The following RPL17 variants were observed in gnomAD, a reference collection of about 807,000 sequenced individuals.
RPL17 encodes large ribosomal subunit protein uL22.
RPL17 carries 2 observed loss-of-function variants against 27.7 expected under a neutral mutation model. The observed-to-expected ratio is 0.07, with a 90% CI of 0.03 to 0.23. The LOEUF is 0.23. Ranked by LOEUF, RPL17 falls within the 10% of genes least tolerant of loss-of-function variation. RPL17 has a pLI of 1.00. For missense variants in RPL17, 141 were observed against 238.8 expected (o/e 0.59, Z 2.70); for synonymous variants, 76 against 75.5 (o/e 1.01, Z -0.03).
intron 6 of RPL17, 65 bp downstream of exon 6, chr18:49,489,292 GAT>G: frequency 5.2e-6 from 8 of 1,546,750 alleles, no homozygotes; most frequent in Non-Finnish European, 7.1e-6. Context: ...GGTGTCCTAA[GAT>G]AGTCATCACA....
rs1187770489 is a variant in RPL17 at position 49,491,584 on chromosome 18, C to G, written c.-13G>C. On this transcript the variant is annotated splice_region_variant and 5_prime_UTR_variant, in exon 2 of 7. Transcript: ENST00000580261. ...AATAGCGAACCATTTTCACAGATCA[C>G]CTAGAGGAAAGTACAGTGTAATTCT... The G allele has an allele frequency of 1.9e-6, 3 of 1,614,016 alleles. No individual in the cohort carries two copies. The highest frequency in any genetic ancestry group is 2.5e-6 in the Non-Finnish European group (3 of 1,180,046).
intron 1 of RPL17, 199 bp from the exon 2 acceptor site, chr18:49,491,783 A>G: frequency 1.3e-6 from 1 of 783,312 alleles, no homozygotes. Context: ...CAGTAACTAC[A>G]GCACTGCTTC....
rs1038460311 is a variant in RPL17 at position 49,489,285 on chromosome 18, G to A, written c.507+74C>T. On this transcript the variant is annotated intron_variant, in intron 6 of 6. Transcript: ENST00000580261. Reference sequence around the variant, plus strand: ...TTTCTTTCATAGTTATTCCAAAGGTGTCCTAAGATAGTCATCACAGCAACC... The same window carrying A: ...TTTCTTTCATAGTTATTCCAAAGGTATCCTAAGATAGTCATCACAGCAACC... The A allele has an allele frequency of 3.3e-6, 5 of 1,509,114 alleles. No homozygotes were observed. The African/African-American group carries it at 5.5e-5, about 17-fold the overall frequency. 93.5% of individuals were successfully genotyped at this position (1,509,114 alleles called of 1,614,324 possible). A position where few individuals can be genotyped will look rare whatever the true frequency, so the allele number is the denominator to read the frequency against.
At chr18:49,489,179 A>T (rs2083877570) in intron 6 of RPL17, 180 bp downstream of exon 6, 1 of 626,356 alleles carries the variant, frequency 1.6e-6, no homozygotes, top group African/African-American at 1.8e-5. Context: ...GGGATTACAG[A>T]AAACTTACCA....
chr18:49,489,663 T>G (rs1055812347), intron 5 of RPL17, 113 bp from the exon 6 acceptor site: 16 of 1,134,714 alleles, frequency 1.4e-5, no homozygotes, highest in Admixed American at 8.1e-5. Flanking sequence ...CCTGCCTCAA[T>G]GAAATCATTT....
chr18:49,489,264 T>G, intron 6 of RPL17, 95 bp downstream of exon 6: 1 of 1,392,006 alleles, frequency 7.2e-7, no homozygotes, highest in Non-Finnish European at 1.0e-6. Context: ...AATAGTTTTC[T>G]TTCATAGTTA....
chr18:49,489,808 T>TA (rs2148818760), intron 5 of RPL17, among the ~76,000 whole-genome samples: 1 of 152,312 alleles, frequency 6.6e-6, no homozygotes, highest in Admixed American at 6.5e-5. Context: ...CAAAGATCCT[T>TA]AGACGGGTGG....
intron 4 of RPL17, 107 bp downstream of exon 4, chr18:49,490,686 C>A (rs748505744): frequency 8.8e-6 from 14 of 1,589,282 alleles, no homozygotes; most frequent in Non-Finnish European, 1.2e-5. Flanking sequence ...CCTGTCATTA[C>A]AGCAACCAGA....
At chr18:49,489,183 C>T in intron 6 of RPL17, 176 bp downstream of exon 6, 5 of 645,132 alleles carry the variant, frequency 7.8e-6, no homozygotes, top group Non-Finnish European at 1.3e-5. Context: ...TTACAGAAAA[C>T]TTACCATTTA....
Position 49,488,585 on chromosome 18 carries a change from G to GTTT in RPL17, c.508-20_508-19insAAA, listed in dbSNP as rs1245739026. 6.6e-7 allele frequency: 1 copy of GTTT among 1,507,618 alleles called. No individual in the cohort carries two copies. The highest frequency in any genetic ancestry group is 9.2e-7 in the Non-Finnish European group (1 of 1,083,552). The allele number at this position is 1,507,618 out of a possible 1,614,324, so 93.4% of individuals were successfully genotyped here. A position where few individuals can be genotyped will look rare whatever the true frequency, so the allele number is the denominator to read the frequency against. ...GGGATATCTGGGGAAAGAAAAATGT[G>GTTT]TTAAGTTTCTTAGAGAAAACCACAG... On this transcript the variant is annotated intron_variant, in intron 6 of 6. Coordinates refer to ENST00000580261, the MANE Select transcript of RPL17 (RefSeq NM_001035006.5).
Position 49,489,527 on chromosome 18 carries a change from G to A in RPL17, c.339C>T (p.Val113=), listed in dbSNP as rs1450031623. 1.9e-6 allele frequency: 3 copies of A among 1,600,558 alleles called. No individual in the cohort carries two copies. The highest frequency in any genetic ancestry group is 1.7e-6 in the Non-Finnish European group (2 of 1,179,860). Reference sequence around the variant, plus strand: ...CTTTGTTCACTTGGATATGCTCAATGACCAGAGAATCTACATCTAAACCCT... The same window carrying A: ...CTTTGTTCACTTGGATATGCTCAATAACCAGAGAATCTACATCTAAACCCT... ...ELKGLDVDSL[V]IEHIQVNKAP... The change falls in exon 6 of 7, where the codon GTC becomes GTT. Residue 113 remains valine, a synonymous_variant. Transcript: ENST00000580261.
rs1482554173 is a variant in RPL17 at position 49,490,450 on chromosome 18, G to T, written c.315+4C>A. On this transcript the variant is annotated splice_donor_region_variant and intron_variant, in intron 5 of 6. Coordinates refer to ENST00000580261, the MANE Select transcript of RPL17 (RefSeq NM_001035006.5). ...GTTGCACAGGATGTTAGTGGTTTGG[G>T]TACCTTAAGTTCAGCATTACTCTCT... The T allele has an allele frequency of 1.2e-6, 2 of 1,613,750 alleles. No individual in the cohort carries two copies. The highest frequency in any genetic ancestry group is 4.5e-5 in the East Asian group (2 of 44,900).
In RPL17 at chr18:49,490,796, C is replaced by G; in HGVS notation, c.213G>C (p.Ala71=). 6.2e-7 allele frequency: 1 copy of G among 1,612,810 alleles called. No individual in the cohort carries two copies. Among genetic ancestry groups the G allele is most frequent in the Non-Finnish European group, 8.5e-7 (1 of 1,179,798 alleles). Residue 71 remains alanine (A), a synonymous_variant, in exon 4 of 7, where the codon GCG becomes GCC. Transcript: ENST00000580261. ...AATGGCAACTAAGAATTCTCACCTG[C>G]GCACACCTGCCAACTCCACCATTGT... The part of the protein sequence containing the change: ...RRYNGGVGRC[A]QAKQWGWTQG...
At chr18:49,491,659 G>A in intron 1 of RPL17, 75 bp from the exon 2 acceptor site, 1 of 1,529,240 alleles carries the variant, frequency 6.5e-7, no homozygotes, top group Non-Finnish European at 9.1e-7. Flanking sequence ...CAGATGATTC[G>A]AACAGCTGCT....
At position 49,488,613 on chromosome 18, in the gene RPL17, C is replaced by T. The variant is rs147422471; in HGVS notation, c.508-47G>A. The stretch of plus-strand genomic sequence containing the variant: ...AAGTTTCTTAGAGAAAACCACAGTA[C>T]ATCTTGGAGGACTTCAGCTTATTCT... On this transcript the variant is annotated intron_variant, in intron 6 of 6. Transcript: ENST00000580261. 2.6e-6 allele frequency: 3 copies of T among 1,145,306 alleles called. No individual in the cohort carries two copies. The Admixed American group carries it at 5.1e-5, about 19-fold the overall frequency. The allele number at this position is 1,145,306 out of a possible 1,614,324, so 70.9% of individuals were successfully genotyped here. A position where few individuals can be genotyped will look rare whatever the true frequency, so the allele number is the denominator to read the frequency against.
chr18:49,489,790 G>T (rs548777297), intron 5 of RPL17, among the ~76,000 whole-genome samples: 1 of 152,220 alleles, frequency 6.6e-6, no homozygotes, highest in African/African-American at 2.4e-5. Context: ...GTCTATGAGT[G>T]GCCTTCCCAA....
rs540401283 is a variant in RPL17, at chr18:49,492,450, A to T, written c.-14+8T>A. On this transcript the variant is annotated splice_region_variant and intron_variant, in intron 1 of 6. Transcript: ENST00000580261. ...GGGCCCTCGGAGCAACGCAGGAGAA[A>T]CACTCACCTCAGGCTGCTTAGGGAA... 7.9e-5 allele frequency: 12 copies of T among 152,484 alleles called. No individual in the cohort carries two copies. The highest frequency in any genetic ancestry group is 2.6e-4 in the African/African-American group (11 of 41,592). The allele number at this position is 152,484 out of a possible 1,614,324, so 9.4% of individuals were successfully genotyped here.
intron 4 of RPL17, 26 bp from the exon 5 acceptor site, chr18:49,490,578 C>G (rs2083995353): frequency 1.2e-6 from 2 of 1,613,290 alleles, no homozygotes; most frequent in East Asian, 2.2e-5. Flanking sequence ...GATGATGAGT[C>G]ATTTTCCTTG....
intron 5 of RPL17, 85 bp downstream of exon 5, chr18:49,490,369 C>A: frequency 4.9e-6 from 7 of 1,416,340 alleles, no homozygotes; most frequent in Admixed American, 2.1e-5. Context: ...TTACTGAAAA[C>A]AAGAAAATCA....
Sources: gnomAD v4.1 joint callset for allele counts (sites outside exome capture counted in the v4.1 genomes callset) on GRCh38, gnomAD v4.1.1 for gene constraint, MANE v1.5 for transcripts, NCBI Gene and HGNC (gene_info 2026-07-23, HGNC 2026-07-21) for gene names.